Variants in PARN observed in about 807,000 individuals in gnomAD.
The protein encoded by PARN is poly(A)-specific ribonuclease PARN.
A neutral mutation model predicts 102.8 loss-of-function variants in PARN; 71 were observed. The observed-to-expected ratio is 0.69, with a 90% CI of 0.57 to 0.84. The LOEUF (loss-of-function observed/expected upper bound fraction) is 0.84, where lower values mean the gene tolerates loss of function less well. Among genes scored for constraint, PARN ranks in the 40% least tolerant of loss-of-function variants. The pLI is 0.00. For missense variants in PARN, 782 were observed against 760.9 expected, an observed-to-expected ratio of 1.03 and a Z score of -0.33; for synonymous variants, 261 against 252.9, an observed-to-expected ratio of 1.03 and a Z score of -0.30.
intron 13 of PARN, among the ~76,000 whole-genome samples, chr16:14,590,338 A>C (rs1163635439): frequency 1.3e-5 from 2 of 151,668 alleles, no homozygotes. Flanking sequence ...ATTAGACTTA[A>C]GAAATGCCAA....
intron 6 of PARN, among the ~76,000 whole-genome samples, chr16:14,614,659 TG>T (rs765687919): frequency 2.0e-5 from 3 of 151,848 alleles, no homozygotes; most frequent in Middle Eastern, 3.2e-3. Flanking sequence ...GAGACCAGCC[TG>T]GCCGACATGG....
intron 23 of PARN, among the ~76,000 whole-genome samples, chr16:14,444,081 G>A (rs1392465611): frequency 6.6e-6 from 1 of 152,174 alleles, no homozygotes; most frequent in African/African-American, 2.4e-5. Flanking sequence ...TAAAGTAAAT[G>A]AGCAAGCCAA....
chr16:14,611,542 C>T lies in PARN; in HGVS notation c.389-733G>A, dbSNP rs577509251. ...CAGATCAGAGGTCAGCAAACTTTTT[C>T]TTTGTTTTGTTTTGTTGTGAGACAG... On this transcript the variant is annotated intron_variant, in intron 6 of 23. Transcript: ENST00000437198. Among the ~76,000 whole-genome samples the T allele has an allele frequency of 1.7e-3, 257 of 152,132 alleles. 1 individual carries two copies. The highest frequency in any genetic ancestry group is 3.0e-3 in the Non-Finnish European group (206 of 67,974).
chr16:14,451,869 CAAAAAAAA>C (rs869041563), intron 22 of PARN, among the ~76,000 whole-genome samples: 45 of 52,500 alleles, frequency 8.6e-4, no homozygotes, highest in East Asian at 4.9e-3. Flanking sequence ...AAAAAAAATA[CAAAAAAAA>C]AAAAAAAAAA....
chr16:14,468,916 TAGATAGATA>T (rs1567299600), intron 22 of PARN, among the ~76,000 whole-genome samples: 1 of 137,466 alleles, frequency 7.3e-6, no homozygotes, highest in South Asian at 2.3e-4. Flanking sequence ...GATAGATAGA[TAGATAGATA>T]AAATAAAATA....
In PARN at chr16:14,604,181, T is replaced by A; in HGVS notation, c.748A>T (p.Lys250Ter). 6.2e-7 allele frequency: 1 copy of A among 1,602,466 alleles called. No individual in the cohort carries two copies. The highest frequency in any genetic ancestry group is 8.5e-7 in the Non-Finnish European group (1 of 1,172,986). Residue 250 changes from lysine (K) to a stop codon, truncating the protein, a stop_gained, in exon 11 of 24, where the codon AAA becomes TAA. Transcript: ENST00000437198. LOFTEE classifies it high-confidence loss of function. ...GCATGTTTCTGCTGCTCTCTTCTTTTGCGTTCTTCTTCATCTACTTTGCTG... is the reference window on the plus strand; with the variant it reads ...GCATGTTTCTGCTGCTCTCTTCTTTAGCGTTCTTCTTCATCTACTTTGCTG... ...VISKVDEEER[K>*]RREQQKHAKE...
At position 14,547,762 on chromosome 16, in the gene PARN, C is replaced by G. The variant is rs1214658679; in HGVS notation, c.1480+4259G>C. On this transcript the variant is annotated intron_variant, in intron 21 of 23. Transcript: ENST00000437198. Reference sequence around the variant, plus strand: ...AATCTTGATTAAAATTAGTAATACTCAAAGAAAAAAAAAAGTGTCAGTTAA... The same window carrying G: ...AATCTTGATTAAAATTAGTAATACTGAAAGAAAAAAAAAAGTGTCAGTTAA... Among the ~76,000 whole-genome samples the G allele has an allele frequency of 2.0e-5, 3 of 148,988 alleles. No homozygotes were observed. In the East Asian group the frequency reaches 5.9e-4, roughly 29 times the overall value.
chr16:14,554,725 T>C (rs1409797605), intron 19 of PARN, among the ~76,000 whole-genome samples: 2 of 151,868 alleles, frequency 1.3e-5, no homozygotes, highest in African/African-American at 4.8e-5. Context: ...ATTACAAGCA[T>C]GAACCACCAC....
At chr16:14,570,702 G>A (rs1443476151) in intron 18 of PARN, among the ~76,000 whole-genome samples, 2 of 151,118 alleles carry the variant, frequency 1.3e-5, no homozygotes, top group African/African-American at 2.4e-5. Context: ...AAGAGGCTGG[G>A]CACCGTGGCT....
At chr16:14,563,041 T>C (rs1460374031) in intron 18 of PARN, among the ~76,000 whole-genome samples, 1 of 152,202 alleles carries the variant, frequency 6.6e-6, no homozygotes, top group African/African-American at 2.4e-5. Flanking sequence ...CGAAGTATGA[T>C]ATTCAAAAAT....
intron 6 of PARN, among the ~76,000 whole-genome samples, chr16:14,612,710 G>A (rs546947092): frequency 2.6e-5 from 4 of 151,572 alleles, no homozygotes; most frequent in Non-Finnish European, 4.4e-5. Flanking sequence ...CAATTCTCCC[G>A]CCTCAGCCTC....
At chr16:14,545,328 C>G (rs1000260522) in intron 21 of PARN, among the ~76,000 whole-genome samples, 3 of 152,080 alleles carry the variant, frequency 2.0e-5, no homozygotes, top group Non-Finnish European at 2.9e-5. Context: ...GGACTGAAAT[C>G]CTATTGAAAT....
chr16:14,490,354 T>C (rs1963995427), intron 21 of PARN, among the ~76,000 whole-genome samples: 1 of 152,214 alleles, frequency 6.6e-6, no homozygotes, highest in Non-Finnish European at 1.5e-5. Flanking sequence ...GCCTACATTC[T>C]TTCCACGACA....
chr16:14,574,668 G>A (rs767677568), intron 18 of PARN, among the ~76,000 whole-genome samples: 4 of 152,094 alleles, frequency 2.6e-5, no homozygotes, highest in Non-Finnish European at 5.9e-5. Flanking sequence ...AGCCGAGATT[G>A]TGCCACTGCA....
At chr16:14,438,606 G>A (rs1368507611) in intron 23 of PARN, among the ~76,000 whole-genome samples, 1 of 152,152 alleles carries the variant, frequency 6.6e-6, no homozygotes, top group Non-Finnish European at 1.5e-5. Context: ...TCACTGCTTC[G>A]TCTAAGATGG....
At chr16:14,447,800 A>G (rs938655514) in intron 22 of PARN, among the ~76,000 whole-genome samples, 3 of 152,182 alleles carry the variant, frequency 2.0e-5, no homozygotes, top group Non-Finnish European at 2.9e-5. Flanking sequence ...TTTTTATTAT[A>G]GCCCCCAAGT....
intron 21 of PARN, among the ~76,000 whole-genome samples, chr16:14,502,613 A>C (rs1964681623): frequency 6.6e-6 from 1 of 152,260 alleles, no homozygotes; most frequent in Non-Finnish European, 1.5e-5. Flanking sequence ...CTAAAAAATA[A>C]TTAGCCACAT....
intron 22 of PARN, among the ~76,000 whole-genome samples, chr16:14,457,283 A>C (rs570289563): frequency 6.6e-6 from 1 of 152,328 alleles, no homozygotes; most frequent in Admixed American, 6.5e-5. Context: ...TACCTCACAC[A>C]GCAAAATGAA....
chr16:14,595,154 G>A (rs1970423428), intron 12 of PARN, among the ~76,000 whole-genome samples: 1 of 152,198 alleles, frequency 6.6e-6, no homozygotes, highest in Non-Finnish European at 1.5e-5. Flanking sequence ...CGAGGTATGG[G>A]TTAGTAGCTC....
Sources: allele counts gnomAD v4.1 joint callset (sites outside exome capture counted in the v4.1 genomes callset), GRCh38; gene constraint gnomAD v4.1.1; transcripts MANE v1.5; gene names NCBI Gene and HGNC (gene_info 2026-07-23, HGNC 2026-07-21).